The following KLHL13 variants were observed in gnomAD, a reference collection of about 807,000 sequenced individuals.
The protein encoded by KLHL13 is kelch-like protein 13.
A neutral mutation model predicts 37.1 loss-of-function variants in KLHL13; 10 were observed. The observed-to-expected ratio is 0.27, with a 90% CI of 0.17 to 0.46. The LOEUF (loss-of-function observed/expected upper bound fraction) is 0.46, where lower values mean the gene tolerates loss of function less well. KLHL13 is among the 20% of genes least tolerant of loss of function. The pLI, the probability that KLHL13 is intolerant of heterozygous loss-of-function variation, is 1.00. For missense variants in KLHL13, 360 were observed against 509.3 expected (o/e 0.71, Z 2.82); for synonymous variants, 163 against 181.2 (o/e 0.90, Z 0.81).
chrX:117,906,782 A>G (rs1339102117), intron 5 of KLHL13, among the ~76,000 whole-genome samples: 1 of 111,663 alleles, frequency 9.0e-6, no homozygotes, highest in Non-Finnish European at 1.9e-5. Flanking sequence ...TTACAAATCT[A>G]TGAGGTCATT....
chrX:117,928,079 C>T (rs1221716947), intron 2 of KLHL13, among the ~76,000 whole-genome samples: 1 of 111,880 alleles, frequency 8.9e-6, no homozygotes, highest in Non-Finnish European at 1.9e-5. Flanking sequence ...CAAAATAGAT[C>T]TCAGAGCATA....
chrX:117,959,791 T>G (rs1354467037), intron 1 of KLHL13, among the ~76,000 whole-genome samples: 3 of 111,648 alleles, frequency 2.7e-5, no homozygotes, highest in Non-Finnish European at 5.6e-5. Context: ...GCTCTATATT[T>G]TTGAAACCAG....
chrX:118,065,509 G>A (rs2148102418), intron 1 of KLHL13, among the ~76,000 whole-genome samples: 1 of 111,318 alleles, frequency 9.0e-6, no homozygotes, highest in Admixed American at 9.6e-5. Flanking sequence ...CCTGGGAATT[G>A]GAGCAGAGCA....
rs186995920 is a variant in KLHL13, at chrX:118,021,247, T to A, written c.-55-75672A>T. On this transcript the variant is annotated intron_variant, in intron 1 of 6. Coordinates refer to the KLHL13 transcript ENST00000371882. The stretch of plus-strand genomic sequence containing the variant: ...TGTAAATGGCATTATCTCCTTTTTT[T>A]TTATTATTATACTTTAAGTTCTAGG... Among the ~76,000 whole-genome samples the A allele has an allele frequency of 7.0e-3, 761 of 108,171 alleles. 16 individuals carry two copies. Among genetic ancestry groups the A allele is most frequent in the Non-Finnish European group, 8.9e-3 (465 of 52,120 alleles). The allele number at this position is 108,171 out of a possible 115,157, so 93.9% of individuals were successfully genotyped here.
chrX:118,097,492 TG>T (rs1419608341), intron 1 of KLHL13, among the ~76,000 whole-genome samples: 5 of 111,515 alleles, frequency 4.5e-5, no homozygotes, highest in Admixed American at 9.5e-5. Flanking sequence ...ATTGTGAAAA[TG>T]GCCATACTGC....
intron 1 of KLHL13, among the ~76,000 whole-genome samples, chrX:118,037,039 A>G (rs1276993167): frequency 1.1e-4 from 10 of 94,244 alleles, no homozygotes; most frequent in African/African-American, 3.2e-4. Flanking sequence ...CAAAACCACA[A>G]TGAGATACCA....
intron 1 of KLHL13, among the ~76,000 whole-genome samples, chrX:118,067,945 C>T (rs1199616529): frequency 1.8e-5 from 2 of 111,647 alleles, no homozygotes; most frequent in African/African-American, 6.5e-5. Flanking sequence ...GTATTATGTA[C>T]TATATATATA....
intron 1 of KLHL13, among the ~76,000 whole-genome samples, chrX:118,068,954 G>A (rs1184447299): frequency 1.8e-5 from 2 of 110,628 alleles, no homozygotes; most frequent in African/African-American, 6.6e-5. Context: ...AGTCCCTCCT[G>A]GGGAACCCAT....
At chrX:117,963,374 G>C (rs1236757243) in intron 1 of KLHL13, among the ~76,000 whole-genome samples, 1 of 111,906 alleles carries the variant, frequency 8.9e-6, no homozygotes, top group Non-Finnish European at 1.9e-5. Flanking sequence ...ATGTAAACTT[G>C]TGTGCTATAA....
chrX:117,926,826 A>AAGCTG (rs1205817395), intron 2 of KLHL13, among the ~76,000 whole-genome samples: 4 of 102,185 alleles, frequency 3.9e-5, no homozygotes, highest in African/African-American at 1.4e-4. Context: ...GGCATCACGT[A>AAGCTG]AGCTGGAAAC....
At chrX:118,005,208 C>A (rs762935045) in intron 1 of KLHL13, among the ~76,000 whole-genome samples, 1 of 111,462 alleles carries the variant, frequency 9.0e-6, no homozygotes, top group Non-Finnish European at 1.9e-5. Flanking sequence ...CAATGCCCCA[C>A]AGATAACAAC....
chrX:117,902,463 T>C (rs1255067423), intron 5 of KLHL13, among the ~76,000 whole-genome samples: 1 of 111,921 alleles, frequency 8.9e-6, no homozygotes, highest in African/African-American at 3.2e-5. Context: ...AAATGGACAC[T>C]GATAATAATT....
intron 1 of KLHL13, among the ~76,000 whole-genome samples, chrX:118,101,401 G>A (rs752866603): frequency 7.4e-4 from 83 of 111,507 alleles, no homozygotes; most frequent in Non-Finnish European, 1.3e-3. Flanking sequence ...GTTAGCCCCT[G>A]TCCTCAAGGA....
chrX:117,961,047 CAT>C (rs934219374), intron 1 of KLHL13, among the ~76,000 whole-genome samples: 6 of 111,976 alleles, frequency 5.4e-5, no homozygotes, highest in African/African-American at 1.9e-4. Flanking sequence ...CAATTTCACT[CAT>C]ATCTGTATTT....
chrX:118,033,735 T>A (rs2054393230), intron 1 of KLHL13, among the ~76,000 whole-genome samples: 1 of 108,985 alleles, frequency 9.2e-6, no homozygotes, highest in African/African-American at 3.4e-5. Context: ...AATTCACACA[T>A]AACAATATTA....
chrX:118,018,703 T>A (rs2054157903), intron 1 of KLHL13, among the ~76,000 whole-genome samples: 2 of 111,797 alleles, frequency 1.8e-5, no homozygotes, highest in Admixed American at 1.9e-4. Context: ...GCAGAATTTT[T>A]AAATATTCAT....
intron 1 of KLHL13, among the ~76,000 whole-genome samples, chrX:118,112,414 C>T (rs2055421729): frequency 9.0e-6 from 1 of 111,032 alleles, no homozygotes; most frequent in Non-Finnish European, 1.9e-5. Context: ...TGTGTGACTG[C>T]TGTTCACCTT....
At chrX:118,114,061 C>T (rs2055440751) in intron 1 of KLHL13, among the ~76,000 whole-genome samples, 1 of 111,933 alleles carries the variant, frequency 8.9e-6, no homozygotes, top group Non-Finnish European at 1.9e-5. Flanking sequence ...TGAAATAATT[C>T]CTGGAAATTT....
At chrX:117,962,772 T>C (rs951768564) in intron 1 of KLHL13, among the ~76,000 whole-genome samples, 2 of 111,955 alleles carry the variant, frequency 1.8e-5, no homozygotes, top group African/African-American at 3.2e-5. Context: ...TGAAAAGGCA[T>C]TGGAGAAATT....
Sources: gnomAD v4.1 joint callset for allele counts (sites outside exome capture counted in the v4.1 genomes callset) on GRCh38, gnomAD v4.1.1 for gene constraint, MANE v1.5 for transcripts, NCBI Gene and HGNC (gene_info 2026-07-23, HGNC 2026-07-21) for gene names.